ZUP1: variants seen among roughly 807,000 people sequenced by gnomAD.
The protein encoded by ZUP1 is zinc finger containing ubiquitin peptidase 1.
Under a neutral mutation model 68.1 loss-of-function variants are expected in ZUP1, and 55 were observed. That is an observed-to-expected ratio of 0.81 (90% CI 0.65 to 1.01). ZUP1 has a LOEUF of 1.01. Ranked by LOEUF, ZUP1 falls within the 50% of genes least tolerant of loss-of-function variation. The pLI is 0.00. For missense variants in ZUP1, 684 were observed against 674.9 expected (o/e 1.01, Z -0.15); for synonymous variants, 223 against 221.5 (o/e 1.01, Z -0.06).
At chr6:116,663,667 G>A (rs1179502732) in intron 2 of ZUP1, among the ~76,000 whole-genome samples, 2 of 152,166 alleles carry the variant, frequency 1.3e-5, no homozygotes, top group Admixed American at 1.3e-4. Flanking sequence ...CAGGCCAGAC[G>A]CAGTGGCTCC....
Position 116,654,904 on chromosome 6 carries a change from G to A in ZUP1, c.961+1780C>T, listed in dbSNP as rs536291923. Among the ~76,000 whole-genome samples the A allele has an allele frequency of 3.3e-5, 5 of 152,180 alleles. No homozygotes were observed. The South Asian group carries it at 1.0e-3, about 32-fold the overall frequency. On this transcript the variant is annotated intron_variant, in intron 5 of 9. Transcript: ENST00000368576. ...ATGTGTGAAATACACTGGTGTGAATGTAGATTACAAGCACTTTGGAAAACA... is the reference window on the plus strand; with the variant it reads ...ATGTGTGAAATACACTGGTGTGAATATAGATTACAAGCACTTTGGAAAACA...
At chr6:116,648,593 A>G (rs764838109) in intron 7 of ZUP1, among the ~76,000 whole-genome samples, 2 of 152,208 alleles carry the variant, frequency 1.3e-5, no homozygotes, top group South Asian at 2.1e-4. Flanking sequence ...AGACATGTAA[A>G]TAACTACTAA....
intron 8 of ZUP1, among the ~76,000 whole-genome samples, chr6:116,646,751 GT>G (rs919626988): frequency 6.6e-6 from 1 of 152,098 alleles, no homozygotes; most frequent in Non-Finnish European, 1.5e-5. Flanking sequence ...ATTTTCTTAT[GT>G]TTTTGTAGAG....
chr6:116,645,451 T>G (rs1415498847), intron 9 of ZUP1, among the ~76,000 whole-genome samples: 1 of 151,502 alleles, frequency 6.6e-6, no homozygotes, highest in African/African-American at 2.4e-5. Flanking sequence ...TGTGGTGGCA[T>G]GTGCCTGTAG....
intron 9 of ZUP1, among the ~76,000 whole-genome samples, chr6:116,642,335 A>C (rs1408142442): frequency 6.6e-6 from 1 of 152,188 alleles, no homozygotes; most frequent in Non-Finnish European, 1.5e-5. Context: ...AACTCATTTT[A>C]TGAGGCCAGC....
Position 116,660,830 on chromosome 6 carries a change from G to A in ZUP1, c.576C>T (p.Leu192=). ...TGAGCCCACACATAGGACAATCATAGAGTGGTTGATCACAGTCTGTATCAG... is the reference window on the plus strand; with the variant it reads ...TGAGCCCACACATAGGACAATCATAAAGTGGTTGATCACAGTCTGTATCAG... ...DIPLEDCDQP[L]YDCPMCGLIC... Residue 192 remains leucine, a synonymous_variant, in exon 3 of 10, where the codon CTC becomes CTT. Transcript: ENST00000368576. 1 of 1,582,242 alleles carries A rather than the reference G, an allele frequency of 6.3e-7. No homozygotes were observed. Among genetic ancestry groups the A allele is most frequent in the Non-Finnish European group, 8.6e-7 (1 of 1,158,412 alleles).
In ZUP1 at chr6:116,647,464, T is replaced by C. The variant is rs1254893832; in HGVS notation, c.1463A>G (p.His488Arg). 3.8e-6 allele frequency: 6 copies of C among 1,562,010 alleles called. No individual in the cohort carries two copies. The highest frequency in any genetic ancestry group is 5.2e-6 in the Non-Finnish European group (6 of 1,148,358). The change falls in exon 8 of 10, where the codon CAT (histidine) becomes CGT (arginine). Residue 488 changes from histidine (H) to arginine (R), a missense_variant. By Grantham distance (29) the His-to-Arg change is conservative (BLOSUM62 0). Transcript: ENST00000368576. ...TGAGTTATATTAATACTAACCTTGA[T>C]GCTGAAGATAGATAGGAGGTTTAGA... ...CTSKPPIYLQ[H>R]QGHSRTVIGI...
rs118160290 is a variant in ZUP1, at chr6:116,663,392, A to G, written c.560-2546T>C. On this transcript the variant is annotated intron_variant, in intron 2 of 9. Transcript: ENST00000368576. ...ATTGGTTAAATCTAGCTATTTACCTATTTCACTTCTGTACTTCTAATGACA... is the reference window on the plus strand; with the variant it reads ...ATTGGTTAAATCTAGCTATTTACCTGTTTCACTTCTGTACTTCTAATGACA... Among the ~76,000 whole-genome samples the G allele has an allele frequency of 7.5e-3, 1,145 of 152,168 alleles. 10 individuals carry two copies. The highest frequency in any genetic ancestry group is 0.012 in the Non-Finnish European group (844 of 68,002).
intron 5 of ZUP1, among the ~76,000 whole-genome samples, chr6:116,655,370 T>C (rs571092366): frequency 2.7e-4 from 41 of 152,254 alleles, no homozygotes; most frequent in Admixed American, 2.4e-3. Context: ...AAATATTTTA[T>C]GGAAATGTAC....
At chr6:116,645,314 C>G (rs1421918042) in intron 9 of ZUP1, among the ~76,000 whole-genome samples, 2 of 152,040 alleles carry the variant, frequency 1.3e-5, no homozygotes, top group African/African-American at 4.8e-5. Flanking sequence ...GGCACGGTGG[C>G]TCACGCCTGT....
At chr6:116,658,390 A>G (rs1776730377) in intron 4 of ZUP1, among the ~76,000 whole-genome samples, 2 of 152,200 alleles carry the variant, frequency 1.3e-5, no homozygotes, top group South Asian at 4.1e-4. Flanking sequence ...AATTCTAAGT[A>G]TAAATTTCGC....
chr6:116,665,659 A>G (rs1213751315), intron 2 of ZUP1, among the ~76,000 whole-genome samples: 2 of 146,320 alleles, frequency 1.4e-5, no homozygotes, highest in African/African-American at 2.5e-5. Flanking sequence ...GGCTCACTGC[A>G]GCGTCCACTT....
chr6:116,667,676 C>T (rs182501821), intron 1 of ZUP1, among the ~76,000 whole-genome samples: 58 of 152,118 alleles, frequency 3.8e-4, no homozygotes, highest in African/African-American at 1.3e-3. Context: ...TATTTAAGTG[C>T]TATTATTGTA....
chr6:116,648,266 TCAA>T (rs1235515051), intron 7 of ZUP1, among the ~76,000 whole-genome samples: 1 of 152,204 alleles, frequency 6.6e-6, no homozygotes, highest in East Asian at 1.9e-4. Context: ...TTTATACTAC[TCAA>T]CAACTGTTTT....
Position 116,667,150 on chromosome 6 carries a change from G to T in ZUP1, c.43C>A (p.Pro15Thr). The change falls in exon 2 of 10, where the codon CCA (proline) becomes ACA (threonine). Residue 15 changes from proline (P) to threonine (T), a missense_variant. Coordinates refer to ENST00000368576, the MANE Select transcript of ZUP1 (RefSeq NM_145062.3). ...NICGETVTSE[P>T]DMKAHLIVHM... ...ACAATTAGGTGAGCTTTCATGTCTG[G>T]TTCTGAGGTTACTGTTTCACCACAA... The T allele has an allele frequency of 6.2e-7, 1 of 1,605,260 alleles. No individual in the cohort carries two copies. Among genetic ancestry groups the T allele is most frequent in the Admixed American group, 1.7e-5 (1 of 58,552 alleles).
Position 116,650,283 on chromosome 6 carries a change from G to A in ZUP1, c.1316+1289C>T, listed in dbSNP as rs112251493. Among the ~76,000 whole-genome samples the A allele has an allele frequency of 1.4e-3, 206 of 151,892 alleles. 1 individual carries two copies. The highest frequency in any genetic ancestry group is 4.4e-3 in the African/African-American group (182 of 41,412). On this transcript the variant is annotated intron_variant, in intron 7 of 9. Transcript: ENST00000368576. Reference sequence around the variant, plus strand: ...CTAAAAATACAAAAATTAGCCAGGCGTGGTAGCGGAAGCCTGTAATCCCAG... The same window carrying A: ...CTAAAAATACAAAAATTAGCCAGGCATGGTAGCGGAAGCCTGTAATCCCAG...
At chr6:116,668,156 C>T (rs533814937) in intron 1 of ZUP1, among the ~76,000 whole-genome samples, 2 of 152,182 alleles carry the variant, frequency 1.3e-5, no homozygotes, top group Admixed American at 6.5e-5. Flanking sequence ...TTTAAAATAC[C>T]TCCCTACATT....
Position 116,652,137 on chromosome 6 carries a change from C to T in ZUP1, c.1017G>A (p.Arg339=), listed in dbSNP as rs137943760. 1 of 1,613,968 alleles carries T rather than the reference C, an allele frequency of 6.2e-7. No homozygotes were observed. The highest frequency in any genetic ancestry group is 8.5e-7 in the Non-Finnish European group (1 of 1,179,890). The change falls in exon 6 of 10, where the codon CGG becomes CGA. Residue 339 remains arginine, a synonymous_variant. Coordinates refer to ENST00000368576, the MANE Select transcript of ZUP1 (RefSeq NM_145062.3). ...YYQNAATDVR[R]VWLSSVVDHF... ...GATCCACCACTGAAGAAAGCCACAC[C>T]CGTCTCACATCTGTGGCAGCATTCT... is the stretch of plus-strand genomic sequence containing the variant.
intron 7 of ZUP1, among the ~76,000 whole-genome samples, 196 bp downstream of exon 7, chr6:116,651,376 A>C (rs1161399591): frequency 1.3e-5 from 2 of 152,202 alleles, no homozygotes; most frequent in Non-Finnish European, 2.9e-5. Context: ...AATGGAAGTG[A>C]CAGTTGCCTC....
Sources: allele counts gnomAD v4.1 joint callset (sites outside exome capture counted in the v4.1 genomes callset), GRCh38; gene constraint gnomAD v4.1.1; transcripts MANE v1.5; gene names NCBI Gene and HGNC (gene_info 2026-07-23, HGNC 2026-07-21).